The following CFAP77 variants were observed in gnomAD, a reference collection of about 807,000 sequenced individuals.
CFAP77 encodes cilia and flagella associated protein 77.
Under a neutral mutation model 31.1 loss-of-function variants are expected in CFAP77, and 25 were observed. The observed-to-expected ratio is 0.80, with a 90% CI of 0.59 to 1.12. CFAP77 has a LOEUF of 1.12. Among genes scored for constraint, CFAP77 ranks in the 50% most tolerant of loss-of-function variants. CFAP77 has a pLI of 0.00. For missense variants in CFAP77, 377 were observed against 397.3 expected (o/e 0.95, Z 0.44); for synonymous variants, 151 against 159.9 (o/e 0.94, Z 0.42).
chr9:132,456,270 C>T (rs1211479413), intron 1 of CFAP77, among the ~76,000 whole-genome samples: 1 of 152,174 alleles, frequency 6.6e-6, no homozygotes, highest in Non-Finnish European at 1.5e-5. Context: ...GGGCTCTGTC[C>T]ACAGTAGCTG....
chr9:132,457,228 A>C (rs1395975174), intron 1 of CFAP77, among the ~76,000 whole-genome samples: 1 of 139,902 alleles, frequency 7.1e-6, no homozygotes, highest in Non-Finnish European at 1.5e-5. Context: ...TGTGATCCTG[A>C]GGACTCGCTC....
At chr9:132,569,490 T>C (rs1291241667) in intron 5 of CFAP77, among the ~76,000 whole-genome samples, 4 of 152,090 alleles carry the variant, frequency 2.6e-5, no homozygotes, top group African/African-American at 7.2e-5. Flanking sequence ...TACTAAACAT[T>C]TTGCAAAGCT....
At chr9:132,569,676 C>T (rs1216665028) in intron 5 of CFAP77, among the ~76,000 whole-genome samples, 1 of 151,702 alleles carries the variant, frequency 6.6e-6, no homozygotes, top group African/African-American at 2.4e-5. Flanking sequence ...GCTGCATGCC[C>T]CCGAGACCCC....
At chr9:132,491,733 G>A in intron 1 of CFAP77, among the ~76,000 whole-genome samples, 1 of 152,056 alleles carries the variant, frequency 6.6e-6, no homozygotes, top group East Asian at 1.9e-4. Flanking sequence ...GAAATGTATG[G>A]ATAACTCACA....
At chr9:132,484,642 G>A (rs1183890383) in intron 1 of CFAP77, among the ~76,000 whole-genome samples, 2 of 152,116 alleles carry the variant, frequency 1.3e-5, no homozygotes, top group African/African-American at 2.4e-5. Flanking sequence ...TCATCAGGAC[G>A]TGGTGTGGTT....
At chr9:132,482,298 T>C (rs373839937) in intron 1 of CFAP77, 8 of 1,606,840 alleles carry the variant, frequency 5.0e-6, no homozygotes, top group Non-Finnish European at 6.8e-6. Flanking sequence ...GGACTCTGCA[T>C]TTCTTTCGTA....
At chr9:132,567,814 C>T (rs188289229) in intron 5 of CFAP77, among the ~76,000 whole-genome samples, 2 of 152,326 alleles carry the variant, frequency 1.3e-5, no homozygotes, top group African/African-American at 2.4e-5. Flanking sequence ...GTGGCCACAT[C>T]GCTCTCATCT....
At chr9:132,420,736 C>T (rs986395316) in intron 1 of CFAP77, among the ~76,000 whole-genome samples, 8 of 151,972 alleles carry the variant, frequency 5.3e-5, no homozygotes, top group Non-Finnish European at 1.2e-4. Context: ...ACTTCTTTAA[C>T]ACCTTTTGAG....
In CFAP77 at chr9:132,517,971, G is replaced by C. The variant is rs1852177559; in HGVS notation, c.524+18371G>C. On this transcript the variant is annotated intron_variant, in intron 3 of 5. Coordinates refer to ENST00000393216, the MANE Select transcript of CFAP77 (RefSeq NM_001282957.2). The surrounding 1 kb of genome is among the most constrained non-coding windows in gnomAD (Gnocchi z 4.7). Reference sequence around the variant, plus strand: ...TTTCATTCCCCCTTTTTCGCTTTATGGGACTGAGTTTTGACCCGGTTTTGT... The same window carrying C: ...TTTCATTCCCCCTTTTTCGCTTTATCGGACTGAGTTTTGACCCGGTTTTGT... 6.6e-6 allele frequency among the ~76,000 whole-genome samples: 1 copy of C among 152,054 alleles called. No individual in the cohort carries two copies. The highest frequency in any genetic ancestry group is 2.1e-4 in the South Asian group (1 of 4,822).
chr9:132,535,407 A>G (rs571793419), intron 3 of CFAP77, among the ~76,000 whole-genome samples: 1 of 152,292 alleles, frequency 6.6e-6, no homozygotes, highest in East Asian at 1.9e-4. Context: ...TATTCTGCCC[A>G]AATCTCTTTT....
intron 1 of CFAP77, among the ~76,000 whole-genome samples, chr9:132,478,515 G>A (rs1851389443): frequency 6.6e-6 from 1 of 152,072 alleles, no homozygotes. Flanking sequence ...TATTACTTTG[G>A]GCAAAATAAA....
At chr9:132,476,707 G>A (rs1024831168) in intron 1 of CFAP77, among the ~76,000 whole-genome samples, 1 of 152,120 alleles carries the variant, frequency 6.6e-6, no homozygotes. Flanking sequence ...CAGGGGAGAA[G>A]GCCATGTGGA....
chr9:132,445,937 G>A (rs1850704266), intron 1 of CFAP77, among the ~76,000 whole-genome samples: 1 of 151,888 alleles, frequency 6.6e-6, no homozygotes, highest in African/African-American at 2.4e-5. Flanking sequence ...CTGCTCTTGT[G>A]TTCTCTAGTG....
At chr9:132,446,003 A>G (rs909317038) in intron 1 of CFAP77, among the ~76,000 whole-genome samples, 1 of 151,986 alleles carries the variant, frequency 6.6e-6, no homozygotes, top group African/African-American at 2.4e-5. Context: ...GCCGCTCTCC[A>G]CCTGCCTCTC....
chr9:132,538,956 A>G (rs1273415526), intron 4 of CFAP77, among the ~76,000 whole-genome samples: 1 of 150,698 alleles, frequency 6.6e-6, no homozygotes. Flanking sequence ...GCGTGGTGGC[A>G]TGTGCCTGTA....
At chr9:132,486,794 A>G (rs1851567678) in intron 1 of CFAP77, among the ~76,000 whole-genome samples, 1 of 152,284 alleles carries the variant, frequency 6.6e-6, no homozygotes, top group Admixed American at 6.5e-5. Flanking sequence ...CATAAGCTGC[A>G]CAGCGAGATC....
intron 1 of CFAP77, among the ~76,000 whole-genome samples, chr9:132,421,910 C>A (rs941341305): frequency 6.6e-6 from 1 of 152,226 alleles, no homozygotes; most frequent in Non-Finnish European, 1.5e-5. Context: ...TCCCATCCTT[C>A]ATTTGCTCAT....
rs771918429 is a variant in CFAP77 at position 132,498,838 on chromosome 9, G to A, written c.295+44G>A. 7.2e-7 allele frequency: 1 copy of A among 1,396,884 alleles called. No homozygotes were observed. The highest frequency in any genetic ancestry group is 1.2e-5 in the South Asian group (1 of 82,510). The allele number at this position is 1,396,884 out of a possible 1,614,324, so 86.5% of individuals were successfully genotyped here. ...AGCATGAGGGCAGAGGAGTGGGAGG[G>A]AGGCTCACCCCTCTTCACAGACCCC... On this transcript the variant is annotated intron_variant, in intron 2 of 5. Coordinates refer to ENST00000393216, the MANE Select transcript of CFAP77 (RefSeq NM_001282957.2). This position sits in a 1 kb window ranked among gnomAD's most constrained non-coding sequence, Gnocchi z 4.2.
At chr9:132,431,196 A>G (rs1370715570) in intron 1 of CFAP77, among the ~76,000 whole-genome samples, 1 of 152,278 alleles carries the variant, frequency 6.6e-6, no homozygotes, top group African/African-American at 2.4e-5. Flanking sequence ...AACAGAACTT[A>G]GACATGAACT....
Sources: allele counts gnomAD v4.1 joint callset (sites outside exome capture counted in the v4.1 genomes callset), GRCh38; gene constraint gnomAD v4.1.1; non-coding constraint Gnocchi (gnomAD v3.1); transcripts MANE v1.5; gene names NCBI Gene and HGNC (gene_info 2026-07-23, HGNC 2026-07-21).